CPT1C: variants seen among roughly 807,000 people sequenced by gnomAD.
CPT1C encodes the protein palmitoyl thioesterase CPT1C.
CPT1C carries 61 observed loss-of-function variants against 97.3 expected under a neutral mutation model. The observed-to-expected ratio is 0.63, with a 90% CI of 0.51 to 0.78. CPT1C has a LOEUF of 0.78. CPT1C is among the 30% of genes least tolerant of loss of function. CPT1C has a pLI of 0.00. For synonymous variants in CPT1C, 469 were observed against 447.2 expected (o/e 1.05, Z -0.61); for missense variants, 975 against 1,065.5 (o/e 0.92, Z 1.18).
intron 4 of CPT1C, among the ~76,000 whole-genome samples, chr19:49,700,253 A>G (rs2082929218): frequency 9.3e-6 from 1 of 107,156 alleles, no homozygotes; most frequent in South Asian, 3.3e-4. Context: ...TCCCAAAAAC[A>G]AAACAAAACA....
At chr19:49,704,191 G>C (rs1413890968) in intron 7 of CPT1C, among the ~76,000 whole-genome samples, 1 of 151,790 alleles carries the variant, frequency 6.6e-6, no homozygotes, top group African/African-American at 2.4e-5. Context: ...TTTTGGGGGG[G>C]ACGGAGTTTC....
At position 49,697,426 on chromosome 19, in the gene CPT1C, T is replaced by TA; in HGVS notation, c.243dup (p.Gly82ArgfsTer12). ...TGGTTCCTCCAGCTGGATCCTTCCTTAGGACTGATGGAGAAGATCAAAGAG... is the reference window on the plus strand; with the variant it reads ...TGGTTCCTCCAGCTGGATCCTTCCTTAAGGACTGATGGAGAAGATCAAAGAG... On this transcript the variant is annotated frameshift_variant, in exon 4 of 20. Coordinates refer to ENST00000598293, the MANE Select transcript of CPT1C (RefSeq NM_001199753.2). LOFTEE classifies it high-confidence loss of function. 1.9e-6 allele frequency: 3 copies of TA among 1,614,108 alleles called. No individual in the cohort carries two copies. Among genetic ancestry groups the TA allele is most frequent in the Non-Finnish European group, 2.5e-6 (3 of 1,180,010 alleles).
At chr19:49,704,021 G>A (rs1446852737) in intron 7 of CPT1C, among the ~76,000 whole-genome samples, 1 of 152,092 alleles carries the variant, frequency 6.6e-6, no homozygotes, top group African/African-American at 2.4e-5. Context: ...AACCCTACAA[G>A]AGCAGCTAAA....
chr19:49,690,768 C>T (rs1163918748), upstream of CPT1C: 1 of 365,582 alleles, frequency 2.7e-6, no homozygotes, highest in Non-Finnish European at 4.9e-6. This position sits in a 1 kb window ranked among gnomAD's most constrained non-coding sequence, Gnocchi z 4.4. Flanking sequence ...CCGTCCTGAC[C>T]CCCAAACATC....
rs543441021 is a variant in CPT1C, at chr19:49,696,034, G to A, written c.142-1292G>A. Among the ~76,000 whole-genome samples the A allele has an allele frequency of 5.3e-5, 8 of 151,866 alleles. No individual in the cohort carries two copies. The South Asian group carries it at 1.0e-3, about 20-fold the overall frequency. ...TGGGATTATAGGTTCCCACCACCAC[G>A]CCTGGCTAATTTTTGTATTTTTAGT... On this transcript the variant is annotated intron_variant, in intron 3 of 19. Coordinates refer to ENST00000598293, the MANE Select transcript of CPT1C (RefSeq NM_001199753.2).
intron 3 of CPT1C, among the ~76,000 whole-genome samples, chr19:49,697,088 G>GAACTGT (rs1240420795): frequency 1.3e-5 from 2 of 152,084 alleles, no homozygotes; most frequent in Non-Finnish European, 2.9e-5. Flanking sequence ...TGATGCCCTC[G>GAACTGT]AACTGTAACT....
chr19:49,705,646 G>C (rs527402702), intron 10 of CPT1C, among the ~76,000 whole-genome samples: 1 of 152,224 alleles, frequency 6.6e-6, no homozygotes, highest in South Asian at 2.1e-4. Flanking sequence ...TGTGGCCCCA[G>C]TTAATCGGGA....
intron 5 of CPT1C, among the ~76,000 whole-genome samples, chr19:49,701,092 ACTCTCTCTGGGTCTCTGCCCCCCT>A (rs1568516518): frequency 1.5e-4 from 2 of 12,984 alleles, no homozygotes; most frequent in Non-Finnish European, 1.4e-4. Flanking sequence ...TCTACCCCCG[ACTCTCTCTGGGTCTCTGCCCCCCT>A]CTCTCTCTGG....
intron 7 of CPT1C, among the ~76,000 whole-genome samples, chr19:49,703,422 G>C (rs1238753014): frequency 1.3e-5 from 2 of 148,196 alleles, no homozygotes; most frequent in Non-Finnish European, 3.0e-5. Flanking sequence ...GGATGGTCTC[G>C]ACCTCCTGAC....
At chr19:49,702,049 A>ATTATAAATAAATATGTATTTAT (rs1568521322) in intron 7 of CPT1C, among the ~76,000 whole-genome samples, 3 of 77,212 alleles carry the variant, frequency 3.9e-5, no homozygotes, top group South Asian at 3.1e-4. Context: ...TTATTTATAA[A>ATTATAAATAAATATGTATTTAT]TTATAAATAT....
At chr19:49,691,917 T>C in intron 2 of CPT1C, 28 bp downstream of exon 2, 1 of 307,740 alleles carries the variant, frequency 3.2e-6, no homozygotes, top group Non-Finnish European at 6.2e-6. Flanking sequence ...AGCTAGGTTA[T>C]GTAGTCCTGG....
At chr19:49,701,466 G>A in intron 6 of CPT1C, 31 bp from the exon 7 acceptor site, 1 of 1,592,392 alleles carries the variant, frequency 6.3e-7, no homozygotes, top group Non-Finnish European at 8.6e-7. Flanking sequence ...GGGCGGGCCG[G>A]GGGCGTGACC....
rs200414312 is a variant in CPT1C, at chr19:49,705,917, C to G, written c.973C>G (p.Arg325Gly). The stretch of plus-strand genomic sequence containing the variant: ...GCCAACGCCACCCCTAGACTACATC[C>G]GCCACCTCCATGACAGCCAACACGT... ...RIPGVQKDYIRHLHDSQHVAV... is the reference protein window; with the variant it reads ...RIPGVQKDYIGHLHDSQHVAV... Residue 325 changes from arginine (R) to glycine (G), a missense_variant, in exon 11 of 20, where the codon CGC becomes GGC. Transcript: ENST00000598293. The G allele has an allele frequency of 6.2e-7, 1 of 1,613,232 alleles. No homozygotes were observed. The highest frequency in any genetic ancestry group is 2.2e-5 in the East Asian group (1 of 44,880).
In CPT1C at chr19:49,694,868, T is replaced by C. The variant is rs559944213; in HGVS notation, c.142-2458T>C. Among the ~76,000 whole-genome samples, 4 of 151,584 alleles carry C rather than the reference T, an allele frequency of 2.6e-5. No individual in the cohort carries two copies. The South Asian group carries it at 8.4e-4, about 32-fold the overall frequency. On this transcript the variant is annotated intron_variant, in intron 3 of 19. Transcript: ENST00000598293. ...ACATGTGACCATCCTTGGCCAGGCA[T>C]GGTGGCTCACGCCTCTAATCCCAGC... is the stretch of plus-strand genomic sequence containing the variant.
intron 7 of CPT1C, among the ~76,000 whole-genome samples, chr19:49,701,933 TATTTATAA>T (rs1418315276): frequency 1.0e-5 from 1 of 96,020 alleles, no homozygotes; most frequent in African/African-American, 5.1e-5. Flanking sequence ...CAAATATTAA[TATTTATAA>T]ATTTATATAT....
chr19:49,713,234 C>A (rs957226192), intron 19 of CPT1C, 170 bp downstream of exon 19: 1 of 733,702 alleles, frequency 1.4e-6, no homozygotes, highest in Non-Finnish European at 2.2e-6. Context: ...GAGTCCAGGC[C>A]CCCAGCCCCT....
chr19:49,700,014 A>C (rs1253391349), intron 4 of CPT1C, among the ~76,000 whole-genome samples: 2 of 151,104 alleles, frequency 1.3e-5, no homozygotes, highest in Non-Finnish European at 2.9e-5. Flanking sequence ...TTGGGATGCC[A>C]AGGCAGGCGG....
chr19:49,700,457 T>C (rs1359450612), intron 4 of CPT1C, among the ~76,000 whole-genome samples: 1 of 152,166 alleles, frequency 6.6e-6, no homozygotes, highest in Non-Finnish European at 1.5e-5. Context: ...ATGGCTGTCA[T>C]TTATTAAACA....
intron 3 of CPT1C, among the ~76,000 whole-genome samples, chr19:49,695,278 A>AT (rs947374904): frequency 0.042 from 5,310 of 127,498 alleles, 290 homozygotes; most frequent in East Asian, 0.13. Flanking sequence ...AAAATGCACA[A>AT]TTTTTTTTTT....
Sources: allele counts gnomAD v4.1 joint callset (sites outside exome capture counted in the v4.1 genomes callset), GRCh38; gene constraint gnomAD v4.1.1; non-coding constraint Gnocchi (gnomAD v3.1); transcripts MANE v1.5; gene names NCBI Gene and HGNC (gene_info 2026-07-23, HGNC 2026-07-21).